Variants in PIGG observed in about 807,000 individuals in gnomAD.
The protein encoded by PIGG is phosphatidylinositol glycan anchor biosynthesis class G (EMM blood group).
In PIGG, 70 loss-of-function variants were observed where a neutral mutation model predicts 83.2. The observed-to-expected ratio is 0.84, with a 90% CI of 0.69 to 1.03. The LOEUF (loss-of-function observed/expected upper bound fraction) is 1.03. Ranked by LOEUF, PIGG falls within the 50% of genes least tolerant of loss-of-function variation. PIGG has a pLI of 0.00. For synonymous variants in PIGG, 532 were observed against 519.5 expected (o/e 1.02, Z -0.33); for missense variants, 1,257 against 1,233.6 (o/e 1.02, Z -0.28).
At position 515,875 on chromosome 4, in the gene PIGG, C is replaced by A; in HGVS notation, c.902-98C>A. On this transcript the variant is annotated intron_variant, in intron 5 of 12. Coordinates refer to ENST00000453061, the MANE Select transcript of PIGG (RefSeq NM_001127178.3). The surrounding 1 kb of genome is among the most constrained non-coding windows in gnomAD (Gnocchi z 4.2). ...TGTTGAGTGGTGTGAAGAGACGGAT[C>A]ATTTGGCTCATGTTAGTTGTAGAAG... is the stretch of plus-strand genomic sequence containing the variant. 1.1e-6 allele frequency: 1 copy of A among 889,446 alleles called. No homozygotes were observed. Among genetic ancestry groups the A allele is most frequent in the Non-Finnish European group, 1.9e-6 (1 of 534,330 alleles). The allele number at this position is 889,446 out of a possible 1,614,324, so 55.1% of individuals were successfully genotyped here.
rs756518513 is a variant in PIGG at position 521,648 on chromosome 4, TC to T, written c.1333-11del. ...CCAGCAGTCTGTGGATGCTGCTGTT[TC>T]TCTGTTCCAGGTTCTCACCCTGCTC... On this transcript the variant is annotated splice_polypyrimidine_tract_variant and intron_variant, in intron 7 of 12. Coordinates refer to ENST00000453061, the MANE Select transcript of PIGG (RefSeq NM_001127178.3). 5 of 1,611,284 alleles carry T rather than the reference TC, an allele frequency of 3.1e-6. No individual in the cohort carries two copies. The highest frequency in any genetic ancestry group is 4.2e-6 in the Non-Finnish European group (5 of 1,177,702).
At chr4:535,949 G>A (rs1377277940) in intron 12 of PIGG, among the ~76,000 whole-genome samples, 1 of 152,162 alleles carries the variant, frequency 6.6e-6, no homozygotes, top group Non-Finnish European at 1.5e-5. Context: ...AGGTGTCCTC[G>A]GGCTGACAGG....
At chr4:526,601 A>AGGGTACCAGGGAACAAGAG (rs1727686060) in intron 9 of PIGG, among the ~76,000 whole-genome samples, 1 of 152,022 alleles carries the variant, frequency 6.6e-6, no homozygotes, top group African/African-American at 2.4e-5. Flanking sequence ...TGACCCCGAG[A>AGGGTACCAGGGAACAAGAG]GGGTACCAGG....
At chr4:512,540 C>T (rs1168218767) in intron 5 of PIGG, among the ~76,000 whole-genome samples, 18 of 151,968 alleles carry the variant, frequency 1.2e-4, no homozygotes, top group South Asian at 4.2e-4. Flanking sequence ...AATTTCTGGC[C>T]TGGCACGGTG....
chr4:499,925 G>A (rs560957780), intron 1 of PIGG: 2 of 229,550 alleles, frequency 8.7e-6, no homozygotes, highest in Non-Finnish European at 1.7e-5. Context: ...CTGCCTAGGG[G>A]CTAAGGCCTC....
intron 6 of PIGG, 152 bp from the exon 7 acceptor site, chr4:520,904 C>A: frequency 1.6e-6 from 1 of 631,834 alleles, no homozygotes; most frequent in Non-Finnish European, 2.8e-6. Context: ...AGACCCCCCA[C>A]CCAAAGGAAT....
chr4:521,325 C>A, intron 7 of PIGG, 52 bp downstream of exon 7: 1 of 1,185,958 alleles, frequency 8.4e-7, no homozygotes, highest in Non-Finnish European at 1.2e-6. Flanking sequence ...TTTGATAACT[C>A]AGCCAAATAT....
chr4:510,314 A>C (rs1384111778), intron 5 of PIGG, among the ~76,000 whole-genome samples: 1 of 152,370 alleles, frequency 6.6e-6, no homozygotes, highest in East Asian at 1.9e-4. Context: ...AGTTAACCGC[A>C]GCAGGAGCAT....
At chr4:525,069 G>T (rs1259595601) in intron 9 of PIGG, 1 of 390,302 alleles carries the variant, frequency 2.6e-6, no homozygotes. Flanking sequence ...GAAGGACGGG[G>T]TCAGCCAGGC....
rs1553878837 is a variant in PIGG, at chr4:505,870, A to G, written c.513A>G (p.Pro171=). 3.1e-6 allele frequency: 5 copies of G among 1,613,316 alleles called. No homozygotes were observed. The African/African-American group carries it at 6.7e-5, about 22-fold the overall frequency. ...YGDETWVKLF[P]KHFVEYDGTT... The stretch of plus-strand genomic sequence containing the variant: ...ATGAAACCTGGGTTAAATTATTCCC[A>G]AAGCATTTTGTGGAATATGATGGAA... Residue 171 remains proline, a synonymous_variant, in exon 3 of 13, where the codon CCA becomes CCG. Coordinates refer to ENST00000453061, the MANE Select transcript of PIGG (RefSeq NM_001127178.3).
intron 2 of PIGG, among the ~76,000 whole-genome samples, chr4:504,394 C>T (rs978911466): frequency 2.6e-5 from 4 of 152,136 alleles, no homozygotes; most frequent in African/African-American, 7.2e-5. Context: ...AAGTGGGAGC[C>T]GCCCTGTGTA....
chr4:517,765 G>A (rs1339814597), intron 6 of PIGG, among the ~76,000 whole-genome samples: 1 of 152,122 alleles, frequency 6.6e-6, no homozygotes, highest in East Asian at 1.9e-4. Context: ...GTGGGGCCAA[G>A]GGAGGTGCCA....
At chr4:508,030 C>A (rs1215939596) in intron 4 of PIGG, among the ~76,000 whole-genome samples, 1 of 152,170 alleles carries the variant, frequency 6.6e-6, no homozygotes, top group African/African-American at 2.4e-5. Flanking sequence ...TCTGTCTGTT[C>A]TGTGTCTCTG....
Position 539,504 on chromosome 4 carries a change from G to T in PIGG, c.*135G>T. ...CTGAATTTAGACTAAGCAGTAAATA[G>T]TTTAATAAAAGATCACTTTAATATA... On this transcript the variant is annotated 3_prime_UTR_variant, in exon 13 of 13. Coordinates refer to ENST00000453061, the MANE Select transcript of PIGG (RefSeq NM_001127178.3). 1 of 612,976 alleles carries T rather than the reference G, an allele frequency of 1.6e-6. No homozygotes were observed. The highest frequency in any genetic ancestry group is 2.0e-5 in the South Asian group (1 of 50,112). 38.0% of individuals were successfully genotyped at this position (612,976 alleles called of 1,614,324 possible). A position where few individuals can be genotyped will look rare whatever the true frequency, so the allele number is the denominator to read the frequency against.
At chr4:510,277 G>C (rs1271044438) in intron 5 of PIGG, among the ~76,000 whole-genome samples, 1 of 152,216 alleles carries the variant, frequency 6.6e-6, no homozygotes, top group Non-Finnish European at 1.5e-5. Flanking sequence ...CGAAGGGATG[G>C]GCTGAATTAA....
intron 2 of PIGG, chr4:501,255 G>GT: frequency 4.8e-6 from 2 of 418,410 alleles, no homozygotes; most frequent in Non-Finnish European, 9.5e-6. Flanking sequence ...GGAAAAAATA[G>GT]TATCTCTGCC....
At position 526,241 on chromosome 4, in the gene PIGG, C is replaced by T. The variant is rs574135334; in HGVS notation, c.2070-798C>T. 7.9e-5 allele frequency among the ~76,000 whole-genome samples: 12 copies of T among 152,348 alleles called. No homozygotes were observed. In the South Asian group the frequency reaches 1.0e-3, roughly 13 times the overall value. On this transcript the variant is annotated intron_variant, in intron 9 of 12. Coordinates refer to ENST00000453061, the MANE Select transcript of PIGG (RefSeq NM_001127178.3). ...GCGTGCCATTTAAAAAGCAACAATA[C>T]ACAGACACCCAGGTACCCCTTCCCG...
chr4:507,463 TATTAA>T lies in PIGG; in HGVS notation c.630_634del (p.Leu211ProfsTer56). 6.2e-7 allele frequency: 1 copy of T among 1,613,950 alleles called. No individual in the cohort carries two copies. Among genetic ancestry groups the T allele is most frequent in the Non-Finnish European group, 8.5e-7 (1 of 1,179,822 alleles). On this transcript the variant is annotated frameshift_variant, in exon 4 of 13. Transcript: ENST00000453061. LOFTEE classifies it high-confidence loss of function. Reference sequence around the variant, plus strand: ...GTATTAAAAAGAGGAGATTGGGACATATTAATCCTCCACTACCTGGGGCTGGACCA... The same window carrying T: ...GTATTAAAAAGAGGAGATTGGGACATTCCTCCACTACCTGGGGCTGGACCA...
chr4:521,696 C>G lies in PIGG; in HGVS notation c.1369C>G (p.Leu457Val). Residue 457 changes from leucine (L) to valine (V), a missense_variant, in exon 8 of 13, where the codon CTG becomes GTG. Coordinates refer to ENST00000453061, the MANE Select transcript of PIGG (RefSeq NM_001127178.3). Reference sequence around the variant, plus strand: ...GCTCCTGCTCAGCGTCCCACAGGCACTGCGCAGAAAGGCTGAGCTGGAAGT... The same window carrying G: ...GCTCCTGCTCAGCGTCCCACAGGCAGTGCGCAGAAAGGCTGAGCTGGAAGT... ...TLLLLSVPQALRRKAELEVPL... is the reference protein window; with the variant it reads ...TLLLLSVPQAVRRKAELEVPL... 1 of 1,614,192 alleles carries G rather than the reference C, an allele frequency of 6.2e-7. No individual in the cohort carries two copies.
Sources: allele counts gnomAD v4.1 joint callset (sites outside exome capture counted in the v4.1 genomes callset), GRCh38; gene constraint gnomAD v4.1.1; non-coding constraint Gnocchi (gnomAD v3.1); transcripts MANE v1.5; gene names NCBI Gene and HGNC (gene_info 2026-07-23, HGNC 2026-07-21).